Variants in POU2F1 observed in about 807,000 individuals in gnomAD.
POU2F1 encodes the protein POU domain, class 2, transcription factor 1.
A neutral mutation model predicts 84.9 loss-of-function variants in POU2F1; 16 were observed. The observed-to-expected ratio is 0.19, with a 90% CI of 0.13 to 0.29. The LOEUF (loss-of-function observed/expected upper bound fraction) is 0.29. Ranked by LOEUF, POU2F1 falls within the 10% of genes least tolerant of loss-of-function variation. The pLI is 1.00. For synonymous variants in POU2F1, 368 were observed against 368.3 expected, an observed-to-expected ratio of 1.00 and a Z score of 0.01; for missense variants, 738 against 942.6, an observed-to-expected ratio of 0.78 and a Z score of 2.84.
intron 10 of POU2F1, among the ~76,000 whole-genome samples, chr1:167,397,399 G>A (rs1648884455): frequency 6.6e-6 from 1 of 152,160 alleles, no homozygotes; most frequent in South Asian, 2.1e-4. Flanking sequence ...ACATAGAGCT[G>A]AGTTTAAGGA....
chr1:167,286,153 A>C (rs1295983255), intron 1 of POU2F1, among the ~76,000 whole-genome samples: 7 of 152,206 alleles, frequency 4.6e-5, no homozygotes, highest in African/African-American at 1.2e-4. Flanking sequence ...TGATATAGTC[A>C]GTTTCATTCA....
At position 167,341,433 on chromosome 1, in the gene POU2F1, G is replaced by T. The variant is rs181975005; in HGVS notation, c.127+8898G>T. 1.6e-3 allele frequency among the ~76,000 whole-genome samples: 245 copies of T among 152,148 alleles called. 1 individual carries two copies. Among genetic ancestry groups the T allele is most frequent in the African/African-American group, 5.6e-3 (232 of 41,502 alleles). ...TCTTTTTTTCATCTGAATTATGATA[G>T]ATAGATCCAAGGCTTCCCTATCCTG... On this transcript the variant is annotated intron_variant, in intron 2 of 15. Coordinates refer to ENST00000367866, the MANE Select transcript of POU2F1 (RefSeq NM_002697.4).
chr1:167,335,100 C>G (rs1423191289), intron 2 of POU2F1, among the ~76,000 whole-genome samples: 1 of 152,048 alleles, frequency 6.6e-6, no homozygotes, highest in Non-Finnish European at 1.5e-5. Context: ...TCAAATAGTC[C>G]TTTTATGTTT....
chr1:167,315,158 T>G (rs574224039), intron 1 of POU2F1, among the ~76,000 whole-genome samples: 1 of 152,312 alleles, frequency 6.6e-6, no homozygotes, highest in South Asian at 2.1e-4. Context: ...TCTTTTCTTA[T>G]GCATTACCCA....
At position 167,415,783 on chromosome 1, in the gene POU2F1, C is replaced by G; in HGVS notation, c.2274C>G (p.Thr758=). ...TVASASGAAS[T]TTTASKAQ The stretch of plus-strand genomic sequence containing the variant: ...CCTCTGCCAGCGGGGCTGCGTCCAC[C>G]ACCACCACCGCCTCCAAGGCACAGT... Residue 758 remains threonine (T), a synonymous_variant, in exon 16 of 16, where the codon ACC becomes ACG. Transcript: ENST00000367866. The G allele has an allele frequency of 6.2e-7, 1 of 1,614,040 alleles. No individual in the cohort carries two copies. Among genetic ancestry groups the G allele is most frequent in the South Asian group, 1.1e-5 (1 of 91,080 alleles).
intron 1 of POU2F1, among the ~76,000 whole-genome samples, chr1:167,320,707 C>T (rs1490608953): frequency 6.6e-6 from 1 of 152,196 alleles, no homozygotes; most frequent in Non-Finnish European, 1.5e-5. Flanking sequence ...AACAATAACA[C>T]CAGTAGGTGA....
At chr1:167,356,102 C>T (rs1288163532) in intron 2 of POU2F1, among the ~76,000 whole-genome samples, 2 of 151,244 alleles carry the variant, frequency 1.3e-5, no homozygotes, top group African/African-American at 4.9e-5. Context: ...TGGGACTATA[C>T]TGTTACTAAG....
chr1:167,363,089 C>T (rs1253423538), intron 2 of POU2F1, among the ~76,000 whole-genome samples: 1 of 152,160 alleles, frequency 6.6e-6, no homozygotes, highest in Admixed American at 6.5e-5. Context: ...AATACTATTA[C>T]CAGTAGACCA....
intron 2 of POU2F1, among the ~76,000 whole-genome samples, chr1:167,364,493 G>A (rs1303519789): frequency 1.0e-5 from 1 of 96,502 alleles, no homozygotes; most frequent in Non-Finnish European, 1.9e-5. Context: ...TCCCGCCACT[G>A]CACTCCAGCC....
Position 167,414,688 on chromosome 1 carries a change from C to A in POU2F1, c.1991-812C>A, listed in dbSNP as rs1650188044. On this transcript the variant is annotated intron_variant, in intron 15 of 15. Coordinates refer to ENST00000367866, the MANE Select transcript of POU2F1 (RefSeq NM_002697.4). Reference sequence around the variant, plus strand: ...ATTAAAGCACATCCTAGACTTAGATCACCCACCTACATCATTATGTCTAAT... The same window carrying A: ...ATTAAAGCACATCCTAGACTTAGATAACCCACCTACATCATTATGTCTAAT... 3 of 985,154 alleles carry A rather than the reference C, an allele frequency of 3.0e-6. No individual in the cohort carries two copies. In the African/African-American group the frequency reaches 5.2e-5, roughly 17 times the overall value. The allele number at this position is 985,154 out of a possible 1,614,324, so 61.0% of individuals were successfully genotyped here.
intron 13 of POU2F1, among the ~76,000 whole-genome samples, chr1:167,407,013 T>TTTTTA (rs1649625951): frequency 6.8e-6 from 1 of 147,248 alleles, no homozygotes; most frequent in African/African-American, 2.4e-5. Context: ...AATATATATT[T>TTTTTA]TTTTATTTTA....
chr1:167,223,985 C>T (rs1648432681), intron 1 of POU2F1, among the ~76,000 whole-genome samples: 3 of 152,132 alleles, frequency 2.0e-5, no homozygotes, highest in South Asian at 4.1e-4. Flanking sequence ...CCATTTATTT[C>T]GGGTCAATTT....
At chr1:167,229,239 C>T (rs1334051255) in intron 1 of POU2F1, among the ~76,000 whole-genome samples, 1 of 151,422 alleles carries the variant, frequency 6.6e-6, no homozygotes, top group Non-Finnish European at 1.5e-5. Context: ...TAATTAGATG[C>T]AAAGAGATTA....
chr1:167,326,475 C>G (rs547303451), intron 1 of POU2F1, among the ~76,000 whole-genome samples: 1 of 152,308 alleles, frequency 6.6e-6, no homozygotes, highest in South Asian at 2.1e-4. Flanking sequence ...CAGTCCCTCT[C>G]CCAATCCATC....
intron 6 of POU2F1, among the ~76,000 whole-genome samples, chr1:167,374,650 G>A (rs775902405): frequency 6.6e-6 from 1 of 152,138 alleles, no homozygotes; most frequent in Non-Finnish European, 1.5e-5. Flanking sequence ...TGCGGTGAAT[G>A]TTGCCACCCA....
intron 1 of POU2F1, among the ~76,000 whole-genome samples, chr1:167,253,583 G>A (rs1169772809): frequency 1.3e-5 from 2 of 151,858 alleles, no homozygotes; most frequent in South Asian, 2.1e-4. Flanking sequence ...CTGCCACCAC[G>A]CCTGGTTAAT....
intron 2 of POU2F1, among the ~76,000 whole-genome samples, chr1:167,351,536 A>G (rs1437229433): frequency 6.1e-5 from 9 of 146,624 alleles, no homozygotes; most frequent in East Asian, 5.8e-4. Flanking sequence ...AAAAAAAAAA[A>G]AAAAAAAGAA....
chr1:167,318,281 C>T (rs965856779), intron 1 of POU2F1, among the ~76,000 whole-genome samples: 8 of 152,118 alleles, frequency 5.3e-5, no homozygotes, highest in East Asian at 3.8e-4. Flanking sequence ...GCCACTAGAC[C>T]GCCATGTTTT....
At chr1:167,387,228 T>C (rs998539502) in intron 8 of POU2F1, 4 of 456,038 alleles carry the variant, frequency 8.8e-6, no homozygotes, top group Admixed American at 7.0e-5. Context: ...GTAACTTATC[T>C]GTAACCACCC....
Sources: gnomAD v4.1 joint callset for allele counts (sites outside exome capture counted in the v4.1 genomes callset) on GRCh38, gnomAD v4.1.1 for gene constraint, MANE v1.5 for transcripts, NCBI Gene and HGNC (gene_info 2026-07-23, HGNC 2026-07-21) for gene names.